The following NALF1 variants were observed in gnomAD, a reference collection of about 807,000 sequenced individuals.
The protein encoded by NALF1 is NALCN channel auxiliary factor 1, also known as family with sequence similarity 155 member A.
Under a neutral mutation model 48.4 loss-of-function variants are expected in NALF1, and 3 were observed. The ratio of observed to expected loss-of-function variants is 0.06; its 90% confidence interval spans 0.03 to 0.16. The LOEUF (loss-of-function observed/expected upper bound fraction) is 0.16, where lower values mean the gene tolerates loss of function less well. Among genes scored for constraint, NALF1 ranks in the 10% least tolerant of loss-of-function variants. The pLI, the probability that NALF1 is intolerant of heterozygous loss-of-function variation, is 1.00. For missense variants in NALF1, 526 were observed against 571.5 expected (o/e 0.92, Z 0.81); for synonymous variants, 262 against 245.7 (o/e 1.07, Z -0.62).
At chr13:107,356,677 C>T (rs915030464) in intron 1 of NALF1, among the ~76,000 whole-genome samples, 1 of 152,116 alleles carries the variant, frequency 6.6e-6, no homozygotes, top group Non-Finnish European at 1.5e-5. Context: ...AAGTTTTAGA[C>T]ATTAAAAGAC....
At chr13:107,407,352 C>A (rs1265736531) in intron 1 of NALF1, among the ~76,000 whole-genome samples, 1 of 151,916 alleles carries the variant, frequency 6.6e-6, no homozygotes, top group Non-Finnish European at 1.5e-5. Context: ...TTGCAAACTA[C>A]CCATCTGACA....
chr13:107,730,387 T>C (rs1480174129), intron 1 of NALF1, among the ~76,000 whole-genome samples: 1 of 152,194 alleles, frequency 6.6e-6, no homozygotes, highest in Non-Finnish European at 1.5e-5. Flanking sequence ...CCCAAATTAG[T>C]TTCCATTTTT....
chr13:107,198,813 C>T (rs1345521352), intron 2 of NALF1, among the ~76,000 whole-genome samples: 2 of 152,162 alleles, frequency 1.3e-5, no homozygotes, highest in Non-Finnish European at 2.9e-5. Flanking sequence ...TTCTTCTTGG[C>T]TTGTAGACGA....
chr13:107,399,040 C>T (rs918430286), intron 1 of NALF1, among the ~76,000 whole-genome samples: 1 of 152,288 alleles, frequency 6.6e-6, no homozygotes, highest in East Asian at 1.9e-4. Flanking sequence ...TAGGTTAGAG[C>T]AAGCACAGCT....
At position 107,266,024 on chromosome 13, in the gene NALF1, T is replaced by C. The variant is rs149266804; in HGVS notation, c.916-55269A>G. Among the ~76,000 whole-genome samples, 7 of 152,342 alleles carry C rather than the reference T, an allele frequency of 4.6e-5. No homozygotes were observed. In the East Asian group the frequency reaches 1.2e-3, roughly 25 times the overall value. ...TTCCTGAAAATAGTATAAAGTGTTATAGCCTCTATTCCTAAGATCAGTAAA... is the reference window on the plus strand; with the variant it reads ...TTCCTGAAAATAGTATAAAGTGTTACAGCCTCTATTCCTAAGATCAGTAAA... On this transcript the variant is annotated intron_variant, in intron 1 of 2. Transcript: ENST00000375915.
At chr13:107,463,964 T>C (rs1048779642) in intron 1 of NALF1, among the ~76,000 whole-genome samples, 9 of 152,188 alleles carry the variant, frequency 5.9e-5, no homozygotes, top group Non-Finnish European at 1.3e-4. Flanking sequence ...AATAGATCTT[T>C]ATCAGAAAAG....
chr13:107,442,057 T>G (rs1488040309), intron 1 of NALF1, among the ~76,000 whole-genome samples: 1 of 151,898 alleles, frequency 6.6e-6, no homozygotes, highest in African/African-American at 2.4e-5. Flanking sequence ...CCCCAAAGAG[T>G]GCTATTTGGG....
At chr13:107,649,155 A>G (rs1460185199) in intron 1 of NALF1, among the ~76,000 whole-genome samples, 1 of 152,214 alleles carries the variant, frequency 6.6e-6, no homozygotes, top group African/African-American at 2.4e-5. Flanking sequence ...TTAACAGCAC[A>G]GTTTTTAAAT....
rs1289686609 is a variant in NALF1 at position 107,867,238 on chromosome 13, C to A, written c.-642G>T. Among the ~76,000 whole-genome samples, 4 of 150,956 alleles carry A rather than the reference C, an allele frequency of 2.6e-5. No individual in the cohort carries two copies. Among genetic ancestry groups the A allele is most frequent in the Non-Finnish European group, 5.9e-5 (4 of 67,554 alleles). ...GCTCCGCGCTGGCTCTCCCAGAGTC[C>A]GGAGCCTGGGCTGCCTCCGGCGGGG... On this transcript the variant is annotated 5_prime_UTR_variant, in exon 1 of 3. Coordinates refer to ENST00000375915, the MANE Select transcript of NALF1 (RefSeq NM_001080396.3). This position sits in a 1 kb window ranked among gnomAD's most constrained non-coding sequence, Gnocchi z 4.4.
chr13:107,290,166 CA>C lies in NALF1; in HGVS notation c.916-79412del, dbSNP rs1164310631. Among the ~76,000 whole-genome samples the C allele has an allele frequency of 5.1e-5, 7 of 136,154 alleles. 1 individual carries two copies. The highest frequency in any genetic ancestry group is 7.3e-3 in the Middle Eastern group (2 of 274). The allele number at this position is 136,154 out of a possible 152,430, so 89.3% of individuals were successfully genotyped here. A position where few individuals can be genotyped will look rare whatever the true frequency, so the allele number is the denominator to read the frequency against. On this transcript the variant is annotated intron_variant, in intron 1 of 2. Transcript: ENST00000375915. ...TTTGCTCATGACCCCTAATCCCCCA[CA>C]AACCAGCAAAAAAAAAAAACAAAAA... is the stretch of plus-strand genomic sequence containing the variant.
At chr13:107,322,729 C>G (rs1397217189) in intron 1 of NALF1, among the ~76,000 whole-genome samples, 1 of 152,084 alleles carries the variant, frequency 6.6e-6, no homozygotes, top group Non-Finnish European at 1.5e-5. Context: ...ATTTCATAAC[C>G]ATCCTTTGTC....
chr13:107,767,919 T>TGAA (rs1877460038), intron 1 of NALF1, among the ~76,000 whole-genome samples: 1 of 152,152 alleles, frequency 6.6e-6, no homozygotes, highest in African/African-American at 2.4e-5. Flanking sequence ...GAGAGATGTA[T>TGAA]GAAGTAGAGA....
At chr13:107,349,540 A>C (rs548968307) in intron 1 of NALF1, among the ~76,000 whole-genome samples, 20 of 152,186 alleles carry the variant, frequency 1.3e-4, no homozygotes, top group African/African-American at 4.3e-4. Flanking sequence ...CAGGAGATCG[A>C]GACCATCCTG....
At chr13:107,284,744 T>A (rs770082059) in intron 1 of NALF1, among the ~76,000 whole-genome samples, 3 of 152,126 alleles carry the variant, frequency 2.0e-5, no homozygotes, top group Non-Finnish European at 4.4e-5. Context: ...TGCTCCAACG[T>A]GCACACAGAG....
intron 1 of NALF1, among the ~76,000 whole-genome samples, chr13:107,592,570 G>C (rs1878629120): frequency 6.6e-6 from 1 of 151,822 alleles, no homozygotes; most frequent in African/African-American, 2.4e-5. Context: ...AATTCTACTA[G>C]CAGAATAAAA....
At chr13:107,309,129 G>A (rs913916113) in intron 1 of NALF1, among the ~76,000 whole-genome samples, 10 of 142,788 alleles carry the variant, frequency 7.0e-5, no homozygotes, top group South Asian at 4.9e-4. Flanking sequence ...TGGTGAGTAC[G>A]TCATCTTACT....
intron 1 of NALF1, among the ~76,000 whole-genome samples, chr13:107,655,364 A>C (rs1372041352): frequency 6.6e-6 from 1 of 152,102 alleles, no homozygotes; most frequent in Non-Finnish European, 1.5e-5. Context: ...ACCAACAGTG[A>C]CCAAATTGAG....
At chr13:107,697,594 T>C (rs1566447679) in intron 1 of NALF1, among the ~76,000 whole-genome samples, 1 of 152,134 alleles carries the variant, frequency 6.6e-6, no homozygotes, top group Non-Finnish European at 1.5e-5. Flanking sequence ...TGTTTGGTCC[T>C]GAAAATTTTA....
chr13:107,787,493 T>A (rs1225088552), intron 1 of NALF1, among the ~76,000 whole-genome samples: 1 of 152,194 alleles, frequency 6.6e-6, no homozygotes, highest in East Asian at 1.9e-4. Flanking sequence ...GGTCTATAGT[T>A]TTACAATCAA....
Sources: allele counts gnomAD v4.1 joint callset (sites outside exome capture counted in the v4.1 genomes callset), GRCh38; gene constraint gnomAD v4.1.1; non-coding constraint Gnocchi (gnomAD v3.1); transcripts MANE v1.5; gene names NCBI Gene and HGNC (gene_info 2026-07-23, HGNC 2026-07-21).